Variants in RNFT2 observed in about 807,000 individuals in gnomAD.
The protein encoded by RNFT2 is E3 ubiquitin-protein ligase RNFT2.
In RNFT2, 36 loss-of-function variants were observed where a neutral mutation model predicts 53.0. The observed-to-expected ratio is 0.68, with a 90% CI of 0.52 to 0.90. RNFT2 has a LOEUF of 0.90. Among genes scored for constraint, RNFT2 ranks in the 40% least tolerant of loss-of-function variants. RNFT2 has a pLI of 0.00. For missense variants in RNFT2, 514 were observed against 585.6 expected (o/e 0.88, Z 1.26); for synonymous variants, 260 against 253.2 (o/e 1.03, Z -0.26).
intron 7 of RNFT2, among the ~76,000 whole-genome samples, chr12:116,788,727 A>C (rs1418329503): frequency 6.6e-6 from 1 of 152,178 alleles, no homozygotes. Flanking sequence ...GTATGTATAC[A>C]TGTGTGTTTG....
chr12:116,849,190 C>T (rs1446455822), intron 10 of RNFT2, 124 bp from the exon 11 acceptor site: 7 of 681,984 alleles, frequency 1.0e-5, no homozygotes, highest in East Asian at 2.8e-5. Context: ...GTCTCCCCAA[C>T]GCGAGTGCAG....
intron 7 of RNFT2, among the ~76,000 whole-genome samples, chr12:116,813,139 TG>T (rs1875468900): frequency 6.6e-6 from 1 of 151,872 alleles, no homozygotes; most frequent in African/African-American, 2.4e-5. Context: ...TTGTATTTTT[TG>T]TAGAGACAGG....
At chr12:116,761,072 C>T (rs1016976264) in intron 5 of RNFT2, among the ~76,000 whole-genome samples, 4 of 152,202 alleles carry the variant, frequency 2.6e-5, no homozygotes, top group African/African-American at 7.2e-5. Flanking sequence ...TCCCCTCCAA[C>T]AGCAGCATCT....
intron 7 of RNFT2, among the ~76,000 whole-genome samples, chr12:116,795,330 C>G (rs920637085): frequency 6.6e-6 from 1 of 151,868 alleles, no homozygotes; most frequent in African/African-American, 2.4e-5. Context: ...ATCGCTTGAA[C>G]CCAGGAGGCA....
intron 3 of RNFT2, among the ~76,000 whole-genome samples, chr12:116,747,118 G>A (rs769657266): frequency 5.9e-5 from 9 of 152,140 alleles, no homozygotes; most frequent in Admixed American, 1.3e-4. Flanking sequence ...GTGCAGTGGC[G>A]TGATCTTAAC....
In RNFT2 at chr12:116,750,123, C is replaced by T. The variant is rs182109617; in HGVS notation, c.366C>T (p.Arg122=). The change falls in exon 4 of 11, where the codon CGC becomes CGT. Residue 122 remains arginine (R), a synonymous_variant. Transcript: ENST00000257575. ...PHHHFHHGGH[R]GGSLLQHVGG... ...ACCATTTCCACCATGGCGGCCACCG[C>T]GGGGGCTCCCTGCTGCAGCACGTGG... 983 of 1,571,754 alleles carry T rather than the reference C, an allele frequency of 6.3e-4. 3 individuals carry two copies. The highest frequency in any genetic ancestry group is 3.0e-4 in the South Asian group (26 of 86,854).
chr12:116,740,934 A>T (rs1871575708), intron 2 of RNFT2, 102 bp from the exon 3 acceptor site: 1 of 961,334 alleles, frequency 1.0e-6, no homozygotes, highest in Non-Finnish European at 1.6e-6. Flanking sequence ...CTAGGGGTCT[A>T]AGATACGACT....
chr12:116,816,119 A>AT (rs2137173063), intron 7 of RNFT2, among the ~76,000 whole-genome samples: 1 of 152,310 alleles, frequency 6.6e-6, no homozygotes, highest in Non-Finnish European at 1.5e-5. Flanking sequence ...AGGGAAGAGA[A>AT]CGCCTTTTCG....
In RNFT2 at chr12:116,841,766, AAT is replaced by A. The variant is rs1236658819; in HGVS notation, c.1200+5496_1200+5497del. 2.7e-3 allele frequency among the ~76,000 whole-genome samples: 301 copies of A among 110,408 alleles called. 9 individuals are homozygous for A. Among genetic ancestry groups the A allele is most frequent in the African/African-American group, 9.9e-3 (278 of 28,002 alleles). 72.4% of individuals were successfully genotyped at this position (110,408 alleles called of 152,430 possible). A position where few individuals can be genotyped will look rare whatever the true frequency, so the allele number is the denominator to read the frequency against. On this transcript the variant is annotated intron_variant, in intron 10 of 10. Coordinates refer to ENST00000257575, the MANE Select transcript of RNFT2 (RefSeq NM_001382266.1). ...CTGTCTCAAAAAATATATAAATATA[AAT>A]ATATATATATAAATATATATATATA...
chr12:116,746,275 T>G (rs1871889292), intron 3 of RNFT2, among the ~76,000 whole-genome samples: 1 of 151,974 alleles, frequency 6.6e-6, no homozygotes, highest in African/African-American at 2.4e-5. Flanking sequence ...CTGAGTAACT[T>G]CAGGTGCTGG....
intron 5 of RNFT2, 42 bp downstream of exon 5, chr12:116,754,102 A>T (rs773519972): frequency 6.6e-7 from 1 of 1,517,830 alleles, no homozygotes; most frequent in Non-Finnish European, 9.1e-7. Flanking sequence ...CTGCTGCAAC[A>T]AATAAGCCAC....
chr12:116,809,954 C>A (rs1392746087), intron 7 of RNFT2, among the ~76,000 whole-genome samples: 1 of 152,174 alleles, frequency 6.6e-6, no homozygotes, highest in East Asian at 1.9e-4. Context: ...GGCTTGCAGA[C>A]GTGAGCCACC....
At chr12:116,829,382 C>T (rs1312372115) in intron 7 of RNFT2, among the ~76,000 whole-genome samples, 1 of 152,136 alleles carries the variant, frequency 6.6e-6, no homozygotes, top group Non-Finnish European at 1.5e-5. Context: ...CCAGCATTTC[C>T]CTCCAGGGGA....
At chr12:116,820,165 C>CTT (rs2137179898) in intron 7 of RNFT2, among the ~76,000 whole-genome samples, 1 of 152,292 alleles carries the variant, frequency 6.6e-6, no homozygotes, top group South Asian at 2.1e-4. Flanking sequence ...ATCATGCTTA[C>CTT]TGCAGCCTCG....
chr12:116,747,137 A>T (rs369902412), intron 3 of RNFT2, among the ~76,000 whole-genome samples: 22 of 152,080 alleles, frequency 1.4e-4, no homozygotes, highest in African/African-American at 4.6e-4. Context: ...ACTCACTGCA[A>T]CCTCCACCTC....
At chr12:116,750,820 T>A (rs74866454) in intron 4 of RNFT2, among the ~76,000 whole-genome samples, 1,047 of 4,180 alleles carry the variant, frequency 0.25, 36 homozygotes, top group Admixed American at 0.31. Context: ...ATATATATAT[T>A]ATATATATAA....
intron 7 of RNFT2, among the ~76,000 whole-genome samples, chr12:116,821,802 CTTTTTTTTTTTTTTT>C (rs149043452): frequency 7.1e-4 from 31 of 43,930 alleles, no homozygotes; most frequent in African/African-American, 2.5e-3. Context: ...CTACTTGTTT[CTTTTTTTTTTTTTTT>C]TTTTTTTTTT....
intron 7 of RNFT2, among the ~76,000 whole-genome samples, chr12:116,779,837 A>G (rs148829243): frequency 6.6e-6 from 1 of 152,244 alleles, no homozygotes; most frequent in Non-Finnish European, 1.5e-5. Context: ...GATGCTTTGC[A>G]GTGTATCATA....
chr12:116,803,688 C>T (rs1874912696), intron 7 of RNFT2, among the ~76,000 whole-genome samples: 1 of 152,198 alleles, frequency 6.6e-6, no homozygotes, highest in Non-Finnish European at 1.5e-5. Context: ...TGGCTTCTTC[C>T]ATGGAATGAA....
Sources: gnomAD v4.1 joint callset for allele counts (sites outside exome capture counted in the v4.1 genomes callset) on GRCh38, gnomAD v4.1.1 for gene constraint, MANE v1.5 for transcripts, NCBI Gene and HGNC (gene_info 2026-07-23, HGNC 2026-07-21) for gene names.